MINDY2: variants seen among roughly 807,000 people sequenced by gnomAD.
MINDY2 encodes MINDY lysine 48 deubiquitinase 2.
Under a neutral mutation model 68.2 loss-of-function variants are expected in MINDY2, and 52 were observed. The observed-to-expected ratio is 0.76, with a 90% CI of 0.61 to 0.96. MINDY2 has a LOEUF of 0.96. MINDY2 is among the 40% of genes least tolerant of loss of function. MINDY2 has a pLI of 0.00. For synonymous variants in MINDY2, 372 were observed against 303.0 expected (o/e 1.23, Z -2.36); for missense variants, 881 against 773.4 (o/e 1.14, Z -1.65).
chr15:58,854,683 C>T lies in MINDY2; in HGVS notation c.*73C>T, dbSNP rs1056627804. 8 of 1,488,202 alleles carry T rather than the reference C, an allele frequency of 5.4e-6. No individual in the cohort carries two copies. The highest frequency in any genetic ancestry group is 6.3e-6 in the Non-Finnish European group (7 of 1,114,648). The allele number at this position is 1,488,202 out of a possible 1,614,324, so 92.2% of individuals were successfully genotyped here. A position where few individuals can be genotyped will look rare whatever the true frequency, so the allele number is the denominator to read the frequency against. On this transcript the variant is annotated 3_prime_UTR_variant, in exon 9 of 9. Transcript: ENST00000559228. ...ACCACAGGAGGAAAGGAAGAAAAAC[C>T]GATCAATACCGTCTGTGCCTGATTT...
At chr15:58,775,948 T>C (rs1900746293) in intron 1 of MINDY2, among the ~76,000 whole-genome samples, 2 of 151,230 alleles carry the variant, frequency 1.3e-5, no homozygotes, top group South Asian at 4.2e-4. Flanking sequence ...CTGCAGCCTC[T>C]GCCTCCCGGG....
chr15:58,819,956 T>C (rs1245387868), intron 4 of MINDY2, among the ~76,000 whole-genome samples: 1 of 152,132 alleles, frequency 6.6e-6, no homozygotes, highest in African/African-American at 2.4e-5. Context: ...TTTTGTGTTT[T>C]AAGTTAATGT....
intron 3 of MINDY2, among the ~76,000 whole-genome samples, chr15:58,806,889 G>A (rs868155051): frequency 3.9e-5 from 6 of 152,034 alleles, no homozygotes; most frequent in Non-Finnish European, 1.5e-5. Context: ...ATGTTGTTTG[G>A]GGGGAACAGT....
At chr15:58,798,920 A>G (rs761612772) in intron 2 of MINDY2, among the ~76,000 whole-genome samples, 13 of 152,240 alleles carry the variant, frequency 8.5e-5, no homozygotes, top group Non-Finnish European at 1.5e-4. Context: ...TGTTAAATTT[A>G]TCTAACTCTT....
chr15:58,834,356 A>G (rs1325103376), intron 6 of MINDY2, among the ~76,000 whole-genome samples: 1 of 151,994 alleles, frequency 6.6e-6, no homozygotes, highest in Non-Finnish European at 1.5e-5. Context: ...GCCTGTCCCA[A>G]TTTTACCCAT....
At chr15:58,803,884 G>A (rs980399071) in intron 3 of MINDY2, among the ~76,000 whole-genome samples, 50 of 149,786 alleles carry the variant, frequency 3.3e-4, no homozygotes, top group African/African-American at 1.2e-3. Context: ...CAAGGCAGGC[G>A]GATCACGAGG....
intron 5 of MINDY2, among the ~76,000 whole-genome samples, chr15:58,822,891 C>A (rs1010954602): frequency 3.9e-5 from 6 of 152,056 alleles, no homozygotes; most frequent in Non-Finnish European, 8.8e-5. Context: ...CTCTCAGACA[C>A]ACAATTATTT....
rs1165399420 is a variant in MINDY2 at position 58,854,763 on chromosome 15, A to T, written c.*153A>T. On this transcript the variant is annotated 3_prime_UTR_variant, in exon 9 of 9. Transcript: ENST00000559228. The stretch of plus-strand genomic sequence containing the variant: ...GAACGGTTGTTACTTAGTTACAATC[A>T]GACTTTTTCAAGTCACACAATACAC... 1 of 791,780 alleles carries T rather than the reference A, an allele frequency of 1.3e-6. No individual in the cohort carries two copies. The highest frequency in any genetic ancestry group is 2.9e-5 in the Admixed American group (1 of 34,974). 49.0% of individuals were successfully genotyped at this position (791,780 alleles called of 1,614,324 possible). A position where few individuals can be genotyped will look rare whatever the true frequency, so the allele number is the denominator to read the frequency against.
At chr15:58,844,552 T>TGAGA (rs1276773041) in intron 6 of MINDY2, among the ~76,000 whole-genome samples, 14 of 80,782 alleles carry the variant, frequency 1.7e-4, no homozygotes, top group Middle Eastern at 0.011. Context: ...AGAGCGAGAC[T>TGAGA]CCGTCTCAAA....
At chr15:58,782,228 T>C (rs1273116343) in intron 1 of MINDY2, among the ~76,000 whole-genome samples, 1 of 152,156 alleles carries the variant, frequency 6.6e-6, no homozygotes, top group African/African-American at 2.4e-5. Context: ...TACTAAAAAA[T>C]CATGAATACT....
intron 6 of MINDY2, among the ~76,000 whole-genome samples, chr15:58,836,027 A>G (rs923555827): frequency 1.3e-5 from 2 of 152,012 alleles, no homozygotes. Context: ...CTCCTGCCTC[A>G]GCCTCCAGAG....
At chr15:58,773,400 G>A (rs1158642079) in intron 1 of MINDY2, among the ~76,000 whole-genome samples, 1 of 152,264 alleles carries the variant, frequency 6.6e-6, no homozygotes, top group Non-Finnish European at 1.5e-5. Flanking sequence ...AGGACTGATA[G>A]AAAAGAAATA....
chr15:58,823,831 C>T (rs1268276524), intron 5 of MINDY2, among the ~76,000 whole-genome samples: 1 of 152,146 alleles, frequency 6.6e-6, no homozygotes, highest in African/African-American at 2.4e-5. Context: ...AACAAAATTC[C>T]TTCTCAATGA....
intron 1 of MINDY2, among the ~76,000 whole-genome samples, chr15:58,786,636 CAG>C (rs1277847986): frequency 6.6e-6 from 1 of 152,092 alleles, no homozygotes; most frequent in African/African-American, 2.4e-5. Flanking sequence ...ATACATAAAA[CAG>C]ATATCCAGTT....
intron 3 of MINDY2, among the ~76,000 whole-genome samples, chr15:58,805,997 C>T (rs2140963655): frequency 6.6e-6 from 1 of 152,346 alleles, no homozygotes; most frequent in East Asian, 1.9e-4. Flanking sequence ...ACCCTTGAAC[C>T]CAGGAGGTGG....
At chr15:58,817,868 C>G (rs2030800167) in intron 4 of MINDY2, 1 of 152,196 alleles carries the variant, frequency 6.6e-6, no homozygotes, top group African/African-American at 2.4e-5. Flanking sequence ...AAAGTTGATG[C>G]TAAGCATTCC....
chr15:58,811,340 A>T (rs890933620), intron 4 of MINDY2, among the ~76,000 whole-genome samples: 1 of 152,230 alleles, frequency 6.6e-6, no homozygotes, highest in African/African-American at 2.4e-5. Flanking sequence ...AGCAATCCAG[A>T]TTTTGCCTCT....
In MINDY2 at chr15:58,855,950, AT is replaced by A. The variant is rs568309097; in HGVS notation, c.*1343del. 10 of 152,762 alleles carry A rather than the reference AT, an allele frequency of 6.5e-5. No homozygotes were observed. In the South Asian group the frequency reaches 2.1e-3, roughly 32 times the overall value. The allele number at this position is 152,762 out of a possible 1,614,324, so 9.5% of individuals were successfully genotyped here. ...AAAAAAAGTCTGAGAGTAGCTAAGA[AT>A]TTATGTAAAAGCAATCAGAGTTTTT... On this transcript the variant is annotated 3_prime_UTR_variant, in exon 9 of 9. Coordinates refer to ENST00000559228, the MANE Select transcript of MINDY2 (RefSeq NM_001040450.3).
At chr15:58,796,917 C>T (rs1902323323) in intron 2 of MINDY2, among the ~76,000 whole-genome samples, 2 of 152,146 alleles carry the variant, frequency 1.3e-5, no homozygotes, top group Admixed American at 1.3e-4. Flanking sequence ...CACTCTCCAC[C>T]CTACTTTCCT....
Sources: gnomAD v4.1 joint callset for allele counts (sites outside exome capture counted in the v4.1 genomes callset) on GRCh38, gnomAD v4.1.1 for gene constraint, MANE v1.5 for transcripts, NCBI Gene and HGNC (gene_info 2026-07-23, HGNC 2026-07-21) for gene names.